Variants in CPNE8 observed in about 807,000 individuals in gnomAD.
CPNE8 encodes copine-8.
CPNE8 carries 45 observed loss-of-function variants against 81.5 expected under a neutral mutation model. That is an observed-to-expected ratio of 0.55 (90% CI 0.44 to 0.71). CPNE8 has a LOEUF of 0.71. CPNE8 is among the 30% of genes least tolerant of loss of function. CPNE8 has a pLI of 0.00. For missense variants in CPNE8, 594 were observed against 672.1 expected (o/e 0.88, Z 1.28); for synonymous variants, 252 against 226.3 (o/e 1.11, Z -1.02).
chr12:38,762,338 A>G (rs909048515), intron 8 of CPNE8, 122 bp from the exon 9 acceptor site: 1 of 435,384 alleles, frequency 2.3e-6, no homozygotes, highest in Non-Finnish European at 4.0e-6. Context: ...TTGCTGCTAC[A>G]TCACTTCATG....
intron 13 of CPNE8, among the ~76,000 whole-genome samples, chr12:38,704,862 A>T (rs1400008769): frequency 7.5e-6 from 1 of 133,376 alleles, no homozygotes; most frequent in East Asian, 2.2e-4. Flanking sequence ...ATATATATAT[A>T]TTTAAATTTC....
chr12:38,770,520 G>A (rs1233225976), intron 7 of CPNE8, among the ~76,000 whole-genome samples: 5 of 152,142 alleles, frequency 3.3e-5, no homozygotes, highest in Admixed American at 3.3e-4. Flanking sequence ...TAAAAGTCTT[G>A]AAACATGAAA....
chr12:38,710,224 A>T (rs1940215643), intron 13 of CPNE8, among the ~76,000 whole-genome samples: 1 of 143,118 alleles, frequency 7.0e-6, no homozygotes, highest in South Asian at 2.4e-4. Flanking sequence ...CTCTTTTCTA[A>T]CCAATAGTTA....
At chr12:38,817,049 T>A (rs1431892238) in intron 6 of CPNE8, among the ~76,000 whole-genome samples, 2 of 152,176 alleles carry the variant, frequency 1.3e-5, no homozygotes, top group Non-Finnish European at 2.9e-5. Context: ...ACACTAACAG[T>A]ATGTCTAATC....
intron 4 of CPNE8, 75 bp from the exon 5 acceptor site, chr12:38,840,030 C>T (rs556726886): frequency 5.0e-4 from 673 of 1,342,388 alleles, no homozygotes; most frequent in Non-Finnish European, 6.6e-4. Context: ...TTTTCCAAAA[C>T]ACATAAATAA....
At chr12:38,663,146 T>C (rs568711557) in intron 19 of CPNE8, among the ~76,000 whole-genome samples, 1 of 152,206 alleles carries the variant, frequency 6.6e-6, no homozygotes, top group South Asian at 2.1e-4. Context: ...TGGTATTATA[T>C]TAAGCTAAAA....
At chr12:38,726,724 G>A (rs1219286028) in intron 11 of CPNE8, 1 of 152,124 alleles carries the variant, frequency 6.6e-6, no homozygotes, top group Non-Finnish European at 1.5e-5. Context: ...CATTAATCTA[G>A]CATTATGCCT....
chr12:38,799,688 A>G (rs1942605436), intron 6 of CPNE8, among the ~76,000 whole-genome samples: 1 of 151,934 alleles, frequency 6.6e-6, no homozygotes, highest in Non-Finnish European at 1.5e-5. Context: ...TCCGGTCTAC[A>G]GCTCCCAGCG....
chr12:38,673,494 T>C (rs1026763263), intron 18 of CPNE8, among the ~76,000 whole-genome samples: 1 of 152,120 alleles, frequency 6.6e-6, no homozygotes, highest in Non-Finnish European at 1.5e-5. Flanking sequence ...AAATTTTTTT[T>C]AAGCCATGAA....
rs557521236 is a variant in CPNE8, at chr12:38,892,299, G to A, written c.98+13138C>T. 3.3e-5 allele frequency among the ~76,000 whole-genome samples: 5 copies of A among 152,270 alleles called. No individual in the cohort carries two copies. The South Asian group carries it at 8.3e-4, about 25-fold the overall frequency. ...ACTCTGAACACATGCTAGCATACTT[G>A]GACTTTACTCTGTAAACAAAGGGGA... On this transcript the variant is annotated intron_variant, in intron 1 of 19. Coordinates refer to ENST00000331366, the MANE Select transcript of CPNE8 (RefSeq NM_153634.3).
chr12:38,653,713 A>T lies in CPNE8; in HGVS notation c.*169T>A. 3 of 941,584 alleles carry T rather than the reference A, an allele frequency of 3.2e-6. No individual in the cohort carries two copies. Among genetic ancestry groups the T allele is most frequent in the Non-Finnish European group, 4.3e-6 (3 of 697,776 alleles). The allele number at this position is 941,584 out of a possible 1,614,324, so 58.3% of individuals were successfully genotyped here. On this transcript the variant is annotated 3_prime_UTR_variant, in exon 20 of 20. Transcript: ENST00000331366. ...TGTTGCTCATGCAACAACCATATTT[A>T]CAGTTTTGGTTTAGGAAGATATTTA...
intron 6 of CPNE8, among the ~76,000 whole-genome samples, chr12:38,796,286 C>T (rs569620716): frequency 6.7e-6 from 1 of 149,276 alleles, no homozygotes; most frequent in South Asian, 2.1e-4. Context: ...GACTCCATCT[C>T]AAAAAATTAA....
chr12:38,713,933 G>T (rs547072688), intron 13 of CPNE8, among the ~76,000 whole-genome samples: 1 of 152,108 alleles, frequency 6.6e-6, no homozygotes, highest in African/African-American at 2.4e-5. Context: ...AAATTCTAGT[G>T]CCTTAGCAGG....
intron 10 of CPNE8, among the ~76,000 whole-genome samples, chr12:38,732,649 C>T (rs906657985): frequency 1.3e-5 from 2 of 151,920 alleles, no homozygotes; most frequent in African/African-American, 4.8e-5. Context: ...CAGCTAAAGT[C>T]TCTAGCAAGA....
At chr12:38,726,166 A>C (rs535186555) in intron 11 of CPNE8, among the ~76,000 whole-genome samples, 4 of 151,570 alleles carry the variant, frequency 2.6e-5, no homozygotes, top group African/African-American at 9.7e-5. Context: ...TAGAGTTGTA[A>C]GGGGAGAAAA....
chr12:38,735,596 A>G (rs1181533581), intron 10 of CPNE8, among the ~76,000 whole-genome samples: 2 of 152,062 alleles, frequency 1.3e-5, no homozygotes, highest in East Asian at 1.9e-4. Flanking sequence ...TTCTTATACG[A>G]TAACATCAAC....
chr12:38,741,213 C>T (rs1047356894), intron 10 of CPNE8, among the ~76,000 whole-genome samples: 26 of 152,200 alleles, frequency 1.7e-4, no homozygotes, highest in East Asian at 3.9e-4. Context: ...AAAAAGAGCC[C>T]GCATTCCCAA....
intron 5 of CPNE8, among the ~76,000 whole-genome samples, chr12:38,835,717 T>C (rs886242244): frequency 1.3e-5 from 2 of 152,192 alleles, no homozygotes; most frequent in African/African-American, 4.8e-5. Context: ...CATTTCATGG[T>C]CCAAACAATA....
chr12:38,707,568 T>C (rs1453547590), intron 13 of CPNE8, among the ~76,000 whole-genome samples: 1 of 152,162 alleles, frequency 6.6e-6, no homozygotes, highest in Non-Finnish European at 1.5e-5. Flanking sequence ...GGTGGATGCA[T>C]TCATTTAGCA....
Sources: allele counts gnomAD v4.1 joint callset (sites outside exome capture counted in the v4.1 genomes callset), GRCh38; gene constraint gnomAD v4.1.1; transcripts MANE v1.5; gene names NCBI Gene and HGNC (gene_info 2026-07-23, HGNC 2026-07-21).